The following C6 variants were observed in gnomAD, a reference collection of about 807,000 sequenced individuals.
C6 encodes complement C6, also known as complement component C6.
A neutral mutation model predicts 112.9 loss-of-function variants in C6; 101 were observed. The observed-to-expected ratio is 0.89, with a 90% confidence interval of 0.76 to 1.06. The LOEUF (loss-of-function observed/expected upper bound fraction) is 1.06. Ranked by LOEUF, C6 falls within the 50% of genes least tolerant of loss-of-function variation. The pLI is 0.00. For synonymous variants in C6, 431 were observed against 384.1 expected (o/e 1.12, Z -1.43); for missense variants, 1,202 against 1,104.6 (o/e 1.09, Z -1.25).
chr5:41,254,992 GA>G (rs1316808826), intron 1 of C6, among the ~76,000 whole-genome samples: 2 of 152,198 alleles, frequency 1.3e-5, no homozygotes, highest in East Asian at 3.9e-4. Context: ...GCTCATGTCT[GA>G]TTCCTGGTCA....
rs1208610852 is a variant in C6 at position 41,181,360 on chromosome 5, T to G, written c.926A>C (p.Lys309Thr). 6.2e-7 allele frequency: 1 copy of G among 1,613,286 alleles called. No individual in the cohort carries two copies. The highest frequency in any genetic ancestry group is 1.1e-5 in the South Asian group (1 of 91,068). The change falls in exon 7 of 18, where the codon AAG becomes ACG. Residue 309 changes from lysine to threonine, a missense_variant and splice_region_variant. Transcript: ENST00000337836. ...AAGGTTGGAAACCATTTTTGATACC[T>G]TTTTGTGAGAGGCTTGAATGGCTTG... is the stretch of plus-strand genomic sequence containing the variant. ...FKQAIQASHK[K>T]DSSFIRIHKV... is the part of the protein sequence containing the mutation.
chr5:41,191,953 GT>G (rs925168306), intron 5 of C6, among the ~76,000 whole-genome samples: 1 of 152,096 alleles, frequency 6.6e-6, no homozygotes, highest in Admixed American at 6.5e-5. Context: ...CTGAATAACA[GT>G]GGTAAGAGCA....
At chr5:41,180,584 G>A (rs1432867722) in intron 7 of C6, among the ~76,000 whole-genome samples, 1 of 152,038 alleles carries the variant, frequency 6.6e-6, no homozygotes, top group Non-Finnish European at 1.5e-5. Context: ...CATACCCTAA[G>A]TTCCAAGTGC....
intron 1 of C6, among the ~76,000 whole-genome samples, chr5:41,255,213 T>C (rs562010893): frequency 1.3e-4 from 19 of 151,968 alleles, no homozygotes; most frequent in Non-Finnish European, 2.9e-5. Context: ...ATACAAAAAT[T>C]AGGCGGGCAT....
At chr5:41,163,277 G>A (rs1025820501) in intron 9 of C6, among the ~76,000 whole-genome samples, 4 of 148,834 alleles carry the variant, frequency 2.7e-5, no homozygotes, top group Non-Finnish European at 4.5e-5. Context: ...AAAATTTCAA[G>A]AAACTTTTGT....
upstream of C6, among the ~76,000 whole-genome samples, chr5:41,218,236 G>C (rs141778947): frequency 1.3e-5 from 2 of 152,158 alleles, no homozygotes; most frequent in East Asian, 1.9e-4. Flanking sequence ...CACAGAAATC[G>C]TAACTTCCCT....
intron 1 of C6, among the ~76,000 whole-genome samples, chr5:41,225,854 G>A (rs1390203288): frequency 6.6e-6 from 1 of 152,150 alleles, no homozygotes; most frequent in Non-Finnish European, 1.5e-5. Flanking sequence ...AATGGGGAAA[G>A]GATTCCCTAT....
In C6 at chr5:41,143,011, A is replaced by G. The variant is rs775880714; in HGVS notation, c.2624-5T>C. 6.2e-6 allele frequency: 10 copies of G among 1,612,676 alleles called. No homozygotes were observed. The highest frequency in any genetic ancestry group is 4.0e-5 in the African/African-American group (3 of 74,846). On this transcript the variant is annotated splice_polypyrimidine_tract_variant and splice_region_variant and intron_variant, in intron 17 of 17. Coordinates refer to ENST00000337836, the MANE Select transcript of C6 (RefSeq NM_000065.5). The stretch of plus-strand genomic sequence containing the variant: ...AGACACATTTGGAAGTGGAGGCTGT[A>G]ATGAGAGAGAGAGAGACAGTGTGAC...
intron 1 of C6, among the ~76,000 whole-genome samples, chr5:41,227,056 A>G (rs1388359611): frequency 6.6e-6 from 1 of 152,166 alleles, no homozygotes; most frequent in African/African-American, 2.4e-5. Context: ...TGTCTGTACA[A>G]ATTAATATTC....
rs1022257972 is a variant in C6, at chr5:41,158,529, C to T, written c.1968+145G>A. On this transcript the variant is annotated intron_variant, in intron 13 of 17. Transcript: ENST00000337836. ...TAGGAAATTCAAGATGGAAGAGTGG[C>T]AAAGTGTTTCTAAATATTATTTTGT... is the stretch of plus-strand genomic sequence containing the variant. The T allele has an allele frequency of 5.9e-6, 4 of 674,470 alleles. No homozygotes were observed. In the African/African-American group the frequency reaches 7.2e-5, roughly 12 times the overall value. The allele number at this position is 674,470 out of a possible 1,614,324, so 41.8% of individuals were successfully genotyped here. A position where few individuals can be genotyped will look rare whatever the true frequency, so the allele number is the denominator to read the frequency against.
At chr5:41,230,876 C>A (rs1345210293) in intron 1 of C6, among the ~76,000 whole-genome samples, 3 of 152,048 alleles carry the variant, frequency 2.0e-5, no homozygotes, top group African/African-American at 4.8e-5. Context: ...TAGAAAAGAA[C>A]CTACATTGAA....
chr5:41,234,644 T>A (rs552402736), intron 1 of C6, among the ~76,000 whole-genome samples: 2 of 152,270 alleles, frequency 1.3e-5, no homozygotes, highest in East Asian at 3.9e-4. Flanking sequence ...ATTGCCTAGT[T>A]CCTCTGCACA....
intron 1 of C6, among the ~76,000 whole-genome samples, chr5:41,238,647 A>G (rs1172899057): frequency 1.3e-5 from 2 of 152,220 alleles, no homozygotes; most frequent in African/African-American, 2.4e-5. Context: ...TAACACTTGC[A>G]GCATTTGATA....
chr5:41,253,605 T>A (rs1326810914), intron 1 of C6, among the ~76,000 whole-genome samples: 1 of 152,188 alleles, frequency 6.6e-6, no homozygotes, highest in Non-Finnish European at 1.5e-5. Flanking sequence ...CAGGAATCAC[T>A]GCTCTATAGA....
At chr5:41,196,412 T>C (rs1022623904) in intron 4 of C6, among the ~76,000 whole-genome samples, 7 of 151,952 alleles carry the variant, frequency 4.6e-5, no homozygotes, top group African/African-American at 1.7e-4. Flanking sequence ...ATGAGTCATG[T>C]CATGTGATTC....
In C6 at chr5:41,160,285, T is replaced by C. The variant is rs750056230; in HGVS notation, c.1541A>G (p.Tyr514Cys). The C allele has an allele frequency of 8.7e-6, 14 of 1,613,908 alleles. No homozygotes were observed. The highest frequency in any genetic ancestry group is 2.2e-5 in the East Asian group (1 of 44,866). The part of the protein sequence containing the change: ...RNNLRKALQE[Y>C]AAKFDPCQCA... ...CTGGCAAGGATCGAACTTGGCTGCATACTCTTGCAAAGCTTTCCTGAGGTT... is the reference window on the plus strand; with the variant it reads ...CTGGCAAGGATCGAACTTGGCTGCACACTCTTGCAAAGCTTTCCTGAGGTT... Residue 514 changes from tyrosine to cysteine, a missense_variant, in exon 11 of 18, where the codon TAT (tyrosine) becomes TGT (cysteine). Coordinates refer to ENST00000337836, the MANE Select transcript of C6 (RefSeq NM_000065.5).
At chr5:41,219,862 C>T (rs547691819) in intron 1 of C6, among the ~76,000 whole-genome samples, 16 of 152,258 alleles carry the variant, frequency 1.1e-4, no homozygotes, top group African/African-American at 3.8e-4. Flanking sequence ...AATGCTTGAA[C>T]GCCTGACAAT....
At chr5:41,171,189 A>T (rs755367241) in intron 9 of C6, among the ~76,000 whole-genome samples, 13 of 152,204 alleles carry the variant, frequency 8.5e-5, no homozygotes, top group Non-Finnish European at 1.6e-4. Flanking sequence ...TTGCAGAGAC[A>T]TTCAGGAGGT....
Position 41,208,727 on chromosome 5 carries a change from T to G in C6, c.-21+4649A>C, listed in dbSNP as rs572913053. On this transcript the variant is annotated intron_variant, in intron 1 of 17. Transcript: ENST00000337836. ...CAGGCTCTGAAATTGAGGCAATAAT[T>G]AATAGCTTACCAACCAAAAAAAGTC... Among the ~76,000 whole-genome samples, 537 of 152,086 alleles carry G rather than the reference T, an allele frequency of 3.5e-3. 3 individuals are homozygous for G. Among genetic ancestry groups the G allele is most frequent in the Non-Finnish European group, 5.4e-3 (367 of 67,974 alleles).
Sources: allele counts gnomAD v4.1 joint callset (sites outside exome capture counted in the v4.1 genomes callset), GRCh38; gene constraint gnomAD v4.1.1; transcripts MANE v1.5; gene names NCBI Gene and HGNC (gene_info 2026-07-23, HGNC 2026-07-21).